Variants in UBE2Q2 observed in about 807,000 individuals in gnomAD.
UBE2Q2 encodes the protein ubiquitin-conjugating enzyme E2 Q2.
In UBE2Q2, 54 loss-of-function variants were observed where a neutral mutation model predicts 59.9. That is an observed-to-expected ratio of 0.90 (90% confidence interval 0.72 to 1.13). The LOEUF is 1.13. Among genes scored for constraint, UBE2Q2 ranks in the 50% most tolerant of loss-of-function variants. The pLI is 0.00. For synonymous variants in UBE2Q2, 165 were observed against 155.2 expected, an observed-to-expected ratio of 1.06 and a Z score of -0.47; for missense variants, 433 against 441.9, an observed-to-expected ratio of 0.98 and a Z score of 0.18.
intron 3 of UBE2Q2, among the ~76,000 whole-genome samples, chr15:75,868,212 C>A (rs1897603762): frequency 6.6e-6 from 1 of 152,168 alleles, no homozygotes; most frequent in African/African-American, 2.4e-5. Flanking sequence ...GTGTTCTAAC[C>A]TGAACTGGCC....
chr15:75,888,473 A>G (rs1271803572), intron 9 of UBE2Q2, among the ~76,000 whole-genome samples: 2 of 152,246 alleles, frequency 1.3e-5, no homozygotes, highest in Non-Finnish European at 2.9e-5. Context: ...TTGAAAATAC[A>G]GTATTACTGT....
At chr15:75,863,849 C>A (rs1410870041) in intron 3 of UBE2Q2, among the ~76,000 whole-genome samples, 1 of 152,056 alleles carries the variant, frequency 6.6e-6, no homozygotes, top group Non-Finnish European at 1.5e-5. Flanking sequence ...ACCATGTTGG[C>A]CAGGCTGGTC....
At chr15:75,847,669 C>T (rs1380592157) in intron 1 of UBE2Q2, among the ~76,000 whole-genome samples, 1 of 151,922 alleles carries the variant, frequency 6.6e-6, no homozygotes, top group African/African-American at 2.4e-5. Context: ...TTTAAGCAGC[C>T]TTATTGGGAG....
At chr15:75,896,787 T>C (rs1473744764) in intron 11 of UBE2Q2, among the ~76,000 whole-genome samples, 3 of 152,198 alleles carry the variant, frequency 2.0e-5, no homozygotes, top group Non-Finnish European at 2.9e-5. Flanking sequence ...TTGAGTTTTA[T>C]TGGGGTACAA....
At chr15:75,885,571 G>T (rs956128020) in intron 9 of UBE2Q2, among the ~76,000 whole-genome samples, 1 of 152,166 alleles carries the variant, frequency 6.6e-6, no homozygotes, top group Non-Finnish European at 1.5e-5. Flanking sequence ...CATCTCAGAG[G>T]ACGGTGTCCT....
At chr15:75,871,051 C>A (rs940323294) in intron 4 of UBE2Q2, among the ~76,000 whole-genome samples, 1 of 152,096 alleles carries the variant, frequency 6.6e-6, no homozygotes, top group Non-Finnish European at 1.5e-5. Context: ...GGTGTTTCTC[C>A]GAGAGGGGGA....
At chr15:75,856,486 A>G (rs1049755104) in intron 2 of UBE2Q2, among the ~76,000 whole-genome samples, 1 of 152,214 alleles carries the variant, frequency 6.6e-6, no homozygotes, top group East Asian at 1.9e-4. Flanking sequence ...AGTCATGCAA[A>G]TGAGAATTTA....
At chr15:75,888,545 C>T (rs1898916881) in intron 9 of UBE2Q2, among the ~76,000 whole-genome samples, 1 of 151,810 alleles carries the variant, frequency 6.6e-6, no homozygotes, top group Non-Finnish European at 1.5e-5. Flanking sequence ...TGTTTTTTTC[C>T]TTAGTATTCT....
At position 75,883,359 on chromosome 15, in the gene UBE2Q2, T is replaced by C. The variant is rs1898552862; in HGVS notation, c.826-7T>C. 6.2e-7 allele frequency: 1 copy of C among 1,611,938 alleles called. No individual in the cohort carries two copies. Among genetic ancestry groups the C allele is most frequent in the Non-Finnish European group, 8.5e-7 (1 of 1,178,560 alleles). On this transcript the variant is annotated splice_region_variant and splice_polypyrimidine_tract_variant and intron_variant, in intron 8 of 12. Coordinates refer to ENST00000267938, the MANE Select transcript of UBE2Q2 (RefSeq NM_173469.4). ...AAATTAATTAAACTTGCTTATTTGC[T>C]TTTTAGGATAACTTTCCATTTGATC...
intron 10 of UBE2Q2, 54 bp from the exon 11 acceptor site, chr15:75,890,865 C>T: frequency 1.3e-6 from 2 of 1,508,954 alleles, no homozygotes; most frequent in South Asian, 1.1e-5. Flanking sequence ...TAGGCCTTCC[C>T]AAGTGGGAAT....
chr15:75,886,748 G>T (rs773998623), intron 9 of UBE2Q2, among the ~76,000 whole-genome samples: 3 of 152,146 alleles, frequency 2.0e-5, no homozygotes, highest in African/African-American at 7.2e-5. Context: ...TTAGCTGGGC[G>T]TGGTGGTGGG....
intron 3 of UBE2Q2, among the ~76,000 whole-genome samples, chr15:75,862,215 A>T (rs1897237094): frequency 6.6e-6 from 1 of 152,084 alleles, no homozygotes; most frequent in African/African-American, 2.4e-5. Context: ...TGATGACAGG[A>T]GGTGTGGTTC....
Position 75,870,303 on chromosome 15 carries a change from A to C in UBE2Q2, c.447+1293A>C, listed in dbSNP as rs1034644895. On this transcript the variant is annotated intron_variant, in intron 4 of 12. Transcript: ENST00000267938. Reference sequence around the variant, plus strand: ...GTTCATCTCGTGAACTCCTGACCTCAAGTGATCCACCACTGGCCTCCCAAA... The same window carrying C: ...GTTCATCTCGTGAACTCCTGACCTCCAGTGATCCACCACTGGCCTCCCAAA... Among the ~76,000 whole-genome samples the C allele has an allele frequency of 8.5e-5, 13 of 152,258 alleles. No individual in the cohort carries two copies. In the East Asian group the frequency reaches 2.5e-3, roughly 29 times the overall value.
chr15:75,890,041 G>A (rs1259172471), intron 9 of UBE2Q2, among the ~76,000 whole-genome samples: 1 of 152,182 alleles, frequency 6.6e-6, no homozygotes, highest in Non-Finnish European at 1.5e-5. Context: ...CAGTGTCATT[G>A]TCAGGGGAAA....
chr15:75,882,923 C>G (rs1381011711), intron 8 of UBE2Q2, among the ~76,000 whole-genome samples: 1 of 151,992 alleles, frequency 6.6e-6, no homozygotes, highest in Non-Finnish European at 1.5e-5. Context: ...TGAGTTCTAG[C>G]TCAGCTTGTG....
chr15:75,895,226 C>T (rs1899338205), intron 11 of UBE2Q2: 1 of 151,852 alleles, frequency 6.6e-6, no homozygotes, highest in Non-Finnish European at 1.5e-5. Flanking sequence ...TCTTGTTGCC[C>T]AGGCTGGAGT....
intron 11 of UBE2Q2, among the ~76,000 whole-genome samples, chr15:75,893,892 A>G (rs1287444239): frequency 6.6e-6 from 1 of 152,190 alleles, no homozygotes; most frequent in African/African-American, 2.4e-5. Flanking sequence ...AATTCTATCT[A>G]TTCCTTTCTC....
At chr15:75,882,765 A>T (rs768813580) in intron 8 of UBE2Q2, among the ~76,000 whole-genome samples, 52 of 152,292 alleles carry the variant, frequency 3.4e-4, no homozygotes, top group African/African-American at 1.1e-3. Context: ...AAAAAATGAG[A>T]TGATTAAAGC....
At chr15:75,844,538 A>G in intron 1 of UBE2Q2, 2 of 1,537,086 alleles carry the variant, frequency 1.3e-6, no homozygotes, top group Non-Finnish European at 1.8e-6. Flanking sequence ...AAGCCTCGAA[A>G]ATGGATAGGT....
Sources: allele counts gnomAD v4.1 joint callset (sites outside exome capture counted in the v4.1 genomes callset), GRCh38; gene constraint gnomAD v4.1.1; transcripts MANE v1.5; gene names NCBI Gene and HGNC (gene_info 2026-07-23, HGNC 2026-07-21).